The following SMG6 variants were observed in gnomAD, a reference collection of about 807,000 sequenced individuals.
SMG6 encodes the protein SMG6 nonsense mediated mRNA decay factor, also known as telomerase-binding protein EST1A.
Under a neutral mutation model 142.2 loss-of-function variants are expected in SMG6, and 66 were observed. The observed-to-expected ratio is 0.46, with a 90% CI of 0.38 to 0.57. The LOEUF (loss-of-function observed/expected upper bound fraction) is 0.57, where lower values mean the gene tolerates loss of function less well. Ranked by LOEUF, SMG6 falls within the 20% of genes least tolerant of loss-of-function variation. SMG6 has a pLI of 0.00. For synonymous variants in SMG6, 779 were observed against 702.4 expected (o/e 1.11, Z -1.72); for missense variants, 1,793 against 1,832.0 (o/e 0.98, Z 0.39).
chr17:2,134,968 C>T (rs866738233), intron 13 of SMG6, among the ~76,000 whole-genome samples: 4 of 152,144 alleles, frequency 2.6e-5, no homozygotes, highest in African/African-American at 4.8e-5. Context: ...CAACTTCTGC[C>T]TCCTGGGTTC....
At position 2,172,835 on chromosome 17, in the gene SMG6, C is replaced by T; in HGVS notation, c.3180G>A (p.Thr1060=). The change falls in exon 13 of 19, where the codon ACG becomes ACA. Residue 1060 remains threonine, a synonymous_variant. Transcript: ENST00000263073. ...PSHVAVDVWS[T]LADFCNILTA... Reference sequence around the variant, plus strand: ...TCAGTATGTTACAGAAATCAGCCAGCGTCGACCATACATCCACAGCAACAC... The same window carrying T: ...TCAGTATGTTACAGAAATCAGCCAGTGTCGACCATACATCCACAGCAACAC... 2 of 1,614,038 alleles carry T rather than the reference C, an allele frequency of 1.2e-6. No individual in the cohort carries two copies. The highest frequency in any genetic ancestry group is 1.7e-6 in the Non-Finnish European group (2 of 1,179,990).
chr17:2,061,720 G>A, intron 18 of SMG6, 98 bp from the exon 19 acceptor site: 1 of 1,348,566 alleles, frequency 7.4e-7, no homozygotes, highest in Non-Finnish European at 1.0e-6. Context: ...GGGAGGGGGT[G>A]CCACGCTAGC....
At chr17:2,255,352 C>T (rs1298564381) in intron 8 of SMG6, among the ~76,000 whole-genome samples, 6 of 130,804 alleles carry the variant, frequency 4.6e-5, no homozygotes, top group Admixed American at 3.7e-4. Flanking sequence ...TGCAGTGAGC[C>T]GAGATCGCGC....
At chr17:2,127,239 A>AG (rs1375559768) in intron 13 of SMG6, among the ~76,000 whole-genome samples, 2 of 151,912 alleles carry the variant, frequency 1.3e-5, no homozygotes, top group African/African-American at 4.8e-5. Flanking sequence ...AGAAGTTGCC[A>AG]GGGGAAGGGG....
chr17:2,062,183 G>A (rs2067800661), intron 18 of SMG6: 1 of 153,060 alleles, frequency 6.5e-6, no homozygotes, highest in African/African-American at 2.4e-5. Context: ...ATTGTGCCAA[G>A]GGCACACCAA....
intron 4 of SMG6, among the ~76,000 whole-genome samples, 193 bp downstream of exon 4, chr17:2,297,050 G>C (rs2075157907): frequency 6.6e-6 from 1 of 151,192 alleles, no homozygotes; most frequent in Admixed American, 6.6e-5. Flanking sequence ...AAAAAAGGCT[G>C]GGGAGCACTG....
At chr17:2,253,119 T>TTTTTTTTATTTA (rs1555565845) in intron 8 of SMG6, among the ~76,000 whole-genome samples, 17 of 130,652 alleles carry the variant, frequency 1.3e-4, no homozygotes, top group East Asian at 8.3e-4. Flanking sequence ...AAATATTTTA[T>TTTTTTTTATTTA]TTTATTTATT....
intron 8 of SMG6, among the ~76,000 whole-genome samples, chr17:2,248,400 T>C (rs2073969835): frequency 6.6e-6 from 1 of 152,190 alleles, no homozygotes; most frequent in African/African-American, 2.4e-5. Context: ...AGGAAACTCA[T>C]ACTGTTTGAA....
At position 2,258,030 on chromosome 17, in the gene SMG6, A is replaced by ATATAT. The variant is rs1160775733; in HGVS notation, c.2662-13312_2662-13311insATATA. Among the ~76,000 whole-genome samples the ATATAT allele has an allele frequency of 6.9e-4, 77 of 110,888 alleles. 1 individual carries two copies. Among genetic ancestry groups the ATATAT allele is most frequent in the East Asian group, 2.1e-3 (8 of 3,862 alleles). 72.7% of individuals were successfully genotyped at this position (110,888 alleles called of 152,430 possible). A position where few individuals can be genotyped will look rare whatever the true frequency, so the allele number is the denominator to read the frequency against. ...TCGCAAAAAAAAAAAAAAAAAAAAA[A>ATATAT]AAAAATATACACACACACACACACA... On this transcript the variant is annotated intron_variant, in intron 8 of 18. Coordinates refer to ENST00000263073, the MANE Select transcript of SMG6 (RefSeq NM_017575.5).
intron 10 of SMG6, chr17:2,200,144 C>G (rs1004141100): frequency 4.6e-5 from 7 of 151,838 alleles, no homozygotes; most frequent in African/African-American, 1.7e-4. Flanking sequence ...TGGTCTTGAA[C>G]TCCTGACCTC....
At chr17:2,067,213 C>G (rs1396119236) in intron 16 of SMG6, among the ~76,000 whole-genome samples, 1 of 152,200 alleles carries the variant, frequency 6.6e-6, no homozygotes, top group African/African-American at 2.4e-5. Flanking sequence ...TCCCTCCCCA[C>G]CGAATCCGGA....
intron 15 of SMG6, among the ~76,000 whole-genome samples, chr17:2,070,525 G>A (rs1436828076): frequency 1.3e-5 from 2 of 152,284 alleles, no homozygotes; most frequent in African/African-American, 4.8e-5. Flanking sequence ...GCTGGTCCTG[G>A]CCACCAACAG....
At chr17:2,095,670 G>A (rs1030702522) in intron 13 of SMG6, among the ~76,000 whole-genome samples, 1 of 152,160 alleles carries the variant, frequency 6.6e-6, no homozygotes, top group Non-Finnish European at 1.5e-5. Context: ...GCGGTACTCA[G>A]GAAGGCAGAA....
intron 10 of SMG6, among the ~76,000 whole-genome samples, chr17:2,227,583 T>C (rs1205098012): frequency 6.6e-6 from 1 of 152,120 alleles, no homozygotes; most frequent in East Asian, 1.9e-4. Flanking sequence ...AGGGGTGGGA[T>C]GGAGATCAAC....
intron 13 of SMG6, among the ~76,000 whole-genome samples, chr17:2,130,266 CAAAAAA>C (rs903007543): frequency 5.1e-5 from 2 of 39,532 alleles, no homozygotes; most frequent in African/African-American, 1.6e-4. Context: ...GACTCCGTCT[CAAAAAA>C]AAAAAAAAAA....
chr17:2,137,159 C>T lies in SMG6; in HGVS notation c.3357+35499G>A, dbSNP rs558905382. Reference sequence around the variant, plus strand: ...TCCAGCCTGGGTGACAGAGTGAGACCCTGACTCAAAAAAAGGATCCAGCTA... The same window carrying T: ...TCCAGCCTGGGTGACAGAGTGAGACTCTGACTCAAAAAAAGGATCCAGCTA... On this transcript the variant is annotated intron_variant, in intron 13 of 18. Coordinates refer to ENST00000263073, the MANE Select transcript of SMG6 (RefSeq NM_017575.5). Among the ~76,000 whole-genome samples the T allele has an allele frequency of 1.2e-4, 18 of 151,826 alleles. 1 individual carries two copies. In the South Asian group the frequency reaches 3.3e-3, roughly 28 times the overall value.
At chr17:2,149,349 C>CAAAAAAAAAAAAA in intron 13 of SMG6, among the ~76,000 whole-genome samples, 1 of 71,120 alleles carries the variant, frequency 1.4e-5, no homozygotes, top group Non-Finnish European at 2.7e-5. Flanking sequence ...GATTCCCCCT[C>CAAAAAAAAAAAAA]AAAAAAAAAA....
At chr17:2,104,729 T>C (rs901519807) in intron 13 of SMG6, among the ~76,000 whole-genome samples, 1 of 152,086 alleles carries the variant, frequency 6.6e-6, no homozygotes, top group Non-Finnish European at 1.5e-5. Flanking sequence ...TTGATTATCA[T>C]GGTAATCCTG....
At chr17:2,159,440 A>AAACC (rs1332072475) in intron 13 of SMG6, among the ~76,000 whole-genome samples, 1 of 152,086 alleles carries the variant, frequency 6.6e-6, no homozygotes, top group Non-Finnish European at 1.5e-5. Context: ...ACAAACAAAC[A>AAACC]AAAAAACCCT....
Sources: gnomAD v4.1 joint callset for allele counts (sites outside exome capture counted in the v4.1 genomes callset) on GRCh38, gnomAD v4.1.1 for gene constraint, MANE v1.5 for transcripts, NCBI Gene and HGNC (gene_info 2026-07-23, HGNC 2026-07-21) for gene names.